The following FBN1 variants were observed in gnomAD, a reference collection of about 807,000 sequenced individuals.
FBN1 encodes fibrillin-1.
FBN1 carries 29 observed loss-of-function variants against 365.1 expected under a neutral mutation model. That is an observed-to-expected ratio of 0.08 (90% CI 0.06 to 0.11). FBN1 has a LOEUF of 0.11. Ranked by LOEUF, FBN1 falls within the 10% of genes least tolerant of loss-of-function variation. The pLI, the probability that FBN1 is intolerant of heterozygous loss-of-function variation, is 1.00. For synonymous variants in FBN1, 1,210 were observed against 1,270.5 expected (o/e 0.95, Z 1.01); for missense variants, 2,476 against 3,703.2 (o/e 0.67, Z 8.60).
chr15:48,420,536 GTTAC>G (rs1279965925), intron 63 of FBN1, 147 bp downstream of exon 63: 1 of 950,010 alleles, frequency 1.1e-6, no homozygotes, highest in Non-Finnish European at 1.7e-6. Flanking sequence ...TGCAAAGACT[GTTAC>G]TTACCTCGGG....
At chr15:48,420,423 G>A (rs1421920315) in intron 63 of FBN1, among the ~76,000 whole-genome samples, 1 of 152,102 alleles carries the variant, frequency 6.6e-6, no homozygotes, top group East Asian at 1.9e-4. Context: ...GCAGTGCAGC[G>A]GGAGGGTGGA....
intron 2 of FBN1, among the ~76,000 whole-genome samples, chr15:48,639,374 G>A (rs1410216927): frequency 6.6e-6 from 1 of 152,060 alleles, no homozygotes; most frequent in East Asian, 1.9e-4. Flanking sequence ...ACATATAGAT[G>A]TTACCTAAAT....
At chr15:48,548,628 T>G (rs975833445) in intron 6 of FBN1, among the ~76,000 whole-genome samples, 2 of 152,210 alleles carry the variant, frequency 1.3e-5, no homozygotes, top group Non-Finnish European at 2.9e-5. Flanking sequence ...TACCACTTAC[T>G]AGAGATTTAC....
At chr15:48,450,574 G>A (rs894071903) in intron 45 of FBN1, among the ~76,000 whole-genome samples, 1 of 152,192 alleles carries the variant, frequency 6.6e-6, no homozygotes, top group Admixed American at 6.5e-5. Context: ...GAAACCACAA[G>A]GAAGTAGCTG....
At chr15:48,583,259 T>A (rs977976181) in intron 6 of FBN1, among the ~76,000 whole-genome samples, 3 of 152,236 alleles carry the variant, frequency 2.0e-5, no homozygotes, top group African/African-American at 7.2e-5. Flanking sequence ...CAGCATAACA[T>A]CACACCTTTT....
chr15:48,446,987 C>T (rs1020452206), intron 46 of FBN1, among the ~76,000 whole-genome samples, 165 bp from the exon 47 acceptor site: 1 of 152,156 alleles, frequency 6.6e-6, no homozygotes, highest in East Asian at 1.9e-4. Context: ...TGCAAGATAC[C>T]AGGCAGCGGC....
In FBN1 at chr15:48,537,649, C is replaced by A. The variant is rs770140872; in HGVS notation, c.698G>T (p.Arg233Leu). 1 of 1,614,106 alleles carries A rather than the reference C, an allele frequency of 6.2e-7. No homozygotes were observed. The highest frequency in any genetic ancestry group is 8.5e-7 in the Non-Finnish European group (1 of 1,180,040). ...MCPAQPHPCR[R>L]GFIPNIRTGA... ...CGTGCGGATATTTGGAATGAAGCCA[C>A]GGCGGCAGGGGTGAGGCTGGGCAGG... The change falls in exon 7 of 66, where the codon CGT becomes CTT. Residue 233 changes from arginine to leucine, a missense_variant. This residue lies in a region of FBN1 where 421 missense variants were observed against 520.1 expected (regional missense o/e 0.81). Transcript: ENST00000316623.
At chr15:48,614,109 C>T (rs2044677508) in intron 2 of FBN1, among the ~76,000 whole-genome samples, 1 of 152,164 alleles carries the variant, frequency 6.6e-6, no homozygotes, top group Non-Finnish European at 1.5e-5. Flanking sequence ...GATCCAATGA[C>T]TTCTACACTG....
At chr15:48,611,346 C>A (rs2044654722) in intron 3 of FBN1, among the ~76,000 whole-genome samples, 1 of 152,050 alleles carries the variant, frequency 6.6e-6, no homozygotes, top group South Asian at 2.1e-4. Flanking sequence ...CTGCAAGCTC[C>A]GTCTCCCAGG....
rs577134883 is a variant in FBN1, at chr15:48,544,296, T to A, written c.539-6488A>T. Among the ~76,000 whole-genome samples the A allele has an allele frequency of 5.9e-5, 9 of 152,300 alleles. No individual in the cohort carries two copies. In the East Asian group the frequency reaches 1.7e-3, roughly 29 times the overall value. On this transcript the variant is annotated intron_variant, in intron 6 of 65. Coordinates refer to ENST00000316623, the MANE Select transcript of FBN1 (RefSeq NM_000138.5). ...AAGATTACCTATTTAACATGGTCTA[T>A]ACAGTGTTATTAAAAGAATACAACC...
At chr15:48,593,002 A>G (rs911081206) in intron 6 of FBN1, among the ~76,000 whole-genome samples, 1 of 152,236 alleles carries the variant, frequency 6.6e-6, no homozygotes, top group African/African-American at 2.4e-5. Context: ...GAGGCTGGCC[A>G]GCCAAGAATG....
At chr15:48,427,418 T>C in intron 58 of FBN1, 149 bp downstream of exon 58, 1 of 829,338 alleles carries the variant, frequency 1.2e-6, no homozygotes, top group Non-Finnish European at 1.9e-6. Context: ...CTCAAATGTC[T>C]AAAACTCCAT....
intron 6 of FBN1, among the ~76,000 whole-genome samples, chr15:48,546,249 C>A (rs764252685): frequency 2.4e-4 from 37 of 152,230 alleles, no homozygotes; most frequent in Non-Finnish European, 3.2e-4. Flanking sequence ...ATAAATAGAT[C>A]AACACATTAA....
intron 2 of FBN1, among the ~76,000 whole-genome samples, chr15:48,626,008 A>C (rs1298533069): frequency 1.3e-5 from 2 of 152,214 alleles, no homozygotes; most frequent in Non-Finnish European, 2.9e-5. Context: ...GTGAGTATTT[A>C]ATTTATTTAA....
At chr15:48,500,124 GGT>G (rs2043642164) in intron 17 of FBN1, among the ~76,000 whole-genome samples, 1 of 152,168 alleles carries the variant, frequency 6.6e-6, no homozygotes, top group Non-Finnish European at 1.5e-5. Flanking sequence ...CAGATGGGAA[GGT>G]GTGTTTGAAA....
intron 63 of FBN1, 48 bp downstream of exon 63, chr15:48,420,639 A>C: frequency 6.2e-7 from 1 of 1,612,404 alleles, no homozygotes; most frequent in South Asian, 1.1e-5. Flanking sequence ...GTTTTGCTTC[A>C]TAGGACCTGA....
chr15:48,453,080 A>G (rs1048578141), intron 44 of FBN1, among the ~76,000 whole-genome samples: 13 of 152,122 alleles, frequency 8.5e-5, no homozygotes, highest in African/African-American at 3.1e-4. Context: ...AACATGGTGA[A>G]ACCCCGTCTC....
intron 23 of FBN1, 103 bp from the exon 24 acceptor site, chr15:48,492,689 G>T: frequency 9.8e-7 from 1 of 1,020,430 alleles, no homozygotes; most frequent in South Asian, 1.6e-5. Flanking sequence ...AACCTGGTAA[G>T]TTCATAAAAC....
In FBN1 at chr15:48,410,027, T is replaced by C. The variant is rs2042847707; in HGVS notation, c.*963A>G. On this transcript the variant is annotated 3_prime_UTR_variant, in exon 66 of 66. Coordinates refer to ENST00000316623, the MANE Select transcript of FBN1 (RefSeq NM_000138.5). ...AGGAGACTTTATTTAGCCTCCGGAA[T>C]GGCCCCTCCAACCCCAAATCCATGC... The C allele has an allele frequency of 6.6e-6, 1 of 152,614 alleles. No individual in the cohort carries two copies. Among genetic ancestry groups the C allele is most frequent in the Admixed American group, 6.5e-5 (1 of 15,276 alleles). The allele number at this position is 152,614 out of a possible 1,614,324, so 9.5% of individuals were successfully genotyped here. A position where few individuals can be genotyped will look rare whatever the true frequency, so the allele number is the denominator to read the frequency against.
Sources: gnomAD v4.1 joint callset for allele counts (sites outside exome capture counted in the v4.1 genomes callset) on GRCh38, gnomAD v4.1.1 for gene constraint, gnomAD v4.1.1 regional missense constraint, MANE v1.5 for transcripts, NCBI Gene and HGNC (gene_info 2026-07-23, HGNC 2026-07-21) for gene names.